SCN11A: variants seen among roughly 807,000 people sequenced by gnomAD.
The protein encoded by SCN11A is sodium voltage-gated channel alpha subunit 11.
A neutral mutation model predicts 162.2 loss-of-function variants in SCN11A; 122 were observed. The ratio of observed to expected loss-of-function variants is 0.75; its 90% CI spans 0.65 to 0.87. SCN11A has a LOEUF of 0.87. Ranked by LOEUF, SCN11A falls within the 40% of genes least tolerant of loss-of-function variation. The probability of loss-of-function intolerance (pLI) is 0.00; values close to 1 mark genes in which losing one functional copy is unlikely to be tolerated. For synonymous variants in SCN11A, 758 were observed against 751.5 expected (o/e 1.01, Z -0.14); for missense variants, 2,015 against 2,181.6 (o/e 0.92, Z 1.52).
At chr3:39,000,064 T>C (rs1483818274) in intron 2 of SCN11A, among the ~76,000 whole-genome samples, 2 of 152,216 alleles carry the variant, frequency 1.3e-5, no homozygotes, top group Admixed American at 1.3e-4. Context: ...GGTCAACACC[T>C]GAAGCTAGAA....
chr3:38,922,072 C>T (rs542270413), intron 9 of SCN11A, among the ~76,000 whole-genome samples: 17 of 152,310 alleles, frequency 1.1e-4, no homozygotes, highest in Middle Eastern at 3.4e-3. Context: ...GGAAAAAGAA[C>T]AAGTCAACTT....
chr3:38,847,517 C>T lies in SCN11A; in HGVS notation c.4553G>A (p.Trp1518Ter). ...MFIYAILGMNWFSKVNPESGI... is the reference protein window; with the variant it reads ...MFIYAILGMN ...AGACTCTGGATTCACTTTGGAAAACCAGTTCATACCCAGAATGGCATAGAT... is the reference window on the plus strand; with the variant it reads ...AGACTCTGGATTCACTTTGGAAAACTAGTTCATACCCAGAATGGCATAGAT... Residue 1518 changes from tryptophan (W) to a stop codon, truncating the protein, a stop_gained, in exon 30 of 30, where the codon TGG becomes TAG. Transcript: ENST00000302328. LOFTEE classifies it low-confidence loss of function (END_TRUNC). The T allele has an allele frequency of 6.2e-7, 1 of 1,614,108 alleles. No individual in the cohort carries two copies. The highest frequency in any genetic ancestry group is 8.5e-7 in the Non-Finnish European group (1 of 1,180,000).
intron 2 of SCN11A, among the ~76,000 whole-genome samples, chr3:38,966,227 G>T (rs560018379): frequency 1.3e-5 from 2 of 152,266 alleles, no homozygotes; most frequent in East Asian, 3.9e-4. Flanking sequence ...GTTGCAGGTC[G>T]TCAGTCCTCC....
chr3:38,955,726 T>C (rs2066672599), intron 3 of SCN11A, among the ~76,000 whole-genome samples: 1 of 152,204 alleles, frequency 6.6e-6, no homozygotes, highest in African/African-American at 2.4e-5. Flanking sequence ...AATTTGAAGA[T>C]AAAATTTTCA....
intron 3 of SCN11A, among the ~76,000 whole-genome samples, chr3:38,959,976 C>A (rs1446429956): frequency 6.6e-6 from 1 of 152,134 alleles, no homozygotes; most frequent in Non-Finnish European, 1.5e-5. Flanking sequence ...TTTGAGATGA[C>A]CTTTTCTAGC....
chr3:38,849,757 T>C (rs2064743638), intron 29 of SCN11A: 1 of 152,252 alleles, frequency 6.6e-6, no homozygotes, highest in African/African-American at 2.4e-5. Flanking sequence ...AGAAGGAGTA[T>C]GGTAATAACC....
At chr3:38,857,660 A>T (rs552025749) in intron 28 of SCN11A, among the ~76,000 whole-genome samples, 47 of 152,282 alleles carry the variant, frequency 3.1e-4, no homozygotes, top group African/African-American at 1.1e-3. Flanking sequence ...TGGGAAGTTC[A>T]TCACAAAAAG....
At chr3:38,927,032 A>T in intron 7 of SCN11A, 101 bp from the exon 8 acceptor site, 1 of 1,157,804 alleles carries the variant, frequency 8.6e-7, no homozygotes, top group Non-Finnish European at 1.2e-6. Context: ...TTCCATTTCA[A>T]TGTGACATTT....
chr3:39,047,176 C>T (rs181518435), intron 1 of SCN11A, among the ~76,000 whole-genome samples: 1 of 150,624 alleles, frequency 6.6e-6, no homozygotes, highest in African/African-American at 2.4e-5. Flanking sequence ...CTTAAGCAAT[C>T]CTCATATATC....
At position 38,871,640 on chromosome 3, in the gene SCN11A, GA is replaced by G; in HGVS notation, c.3563del (p.Phe1188SerfsTer28). The G allele has an allele frequency of 1.2e-6, 2 of 1,612,866 alleles. No individual in the cohort carries two copies. The highest frequency in any genetic ancestry group is 1.7e-6 in the Non-Finnish European group (2 of 1,179,174). On this transcript the variant is annotated frameshift_variant, in exon 25 of 30. Coordinates refer to ENST00000302328, the MANE Select transcript of SCN11A (RefSeq NM_001349253.2). LOFTEE classifies it high-confidence loss of function. The stretch of plus-strand genomic sequence containing the variant: ...CTCCCAGAATACAAAATACGAGCCA[GA>G]AAATGAGGCAGACAAGCAAAACATT... ...ILNVLLVCLI[F>X]WLVFCILGVY...
Position 38,909,209 on chromosome 3 carries a change from G to T in SCN11A, c.1102-15C>A. The T allele has an allele frequency of 6.2e-7, 1 of 1,612,574 alleles. No individual in the cohort carries two copies. On this transcript the variant is annotated splice_polypyrimidine_tract_variant and intron_variant, in intron 12 of 29. Transcript: ENST00000302328. ...GTACGCAGGGTCTGCAAAGGACAGAGCATGTTCTTGAATATCAAACCTTCT... is the reference window on the plus strand; with the variant it reads ...GTACGCAGGGTCTGCAAAGGACAGATCATGTTCTTGAATATCAAACCTTCT...
In SCN11A at chr3:38,909,182, TAGTACGC is replaced by T. The variant is rs746378950; in HGVS notation, c.1107_1113del (p.Arg370LeufsTer20). The T allele has an allele frequency of 1.2e-6, 2 of 1,613,954 alleles. No homozygotes were observed. Among genetic ancestry groups the T allele is most frequent in the Non-Finnish European group, 1.7e-6 (2 of 1,179,890 alleles). ...AAGAAGAAGACTGAGTAGAGCCCAG[TAGTACGC>T]AGGGTCTGCAAAGGACAGAGCATGT... On this transcript the variant is annotated frameshift_variant, in exon 13 of 30. Transcript: ENST00000302328. LOFTEE classifies it high-confidence loss of function.
chr3:38,848,254 G>A (rs376053853), intron 29 of SCN11A, among the ~76,000 whole-genome samples: 9 of 152,302 alleles, frequency 5.9e-5, no homozygotes, highest in East Asian at 3.9e-4. Flanking sequence ...CTAAAATGTC[G>A]CCCTGCCTGC....
rs746529454 is a variant in SCN11A at position 38,899,853 on chromosome 3, A to G, written c.2022+41T>C. 4 of 1,545,496 alleles carry G rather than the reference A, an allele frequency of 2.6e-6. No homozygotes were observed. The Admixed American group carries it at 7.2e-5, about 28-fold the overall frequency. ...CTCACTCAAAACGTTTTTTCCACTT[A>G]GGCAGCTACGTTTATGCAGTAAAAT... On this transcript the variant is annotated intron_variant, in intron 17 of 29. Coordinates refer to ENST00000302328, the MANE Select transcript of SCN11A (RefSeq NM_001349253.2).
chr3:38,886,561 T>G (rs1205342006), intron 19 of SCN11A, among the ~76,000 whole-genome samples: 1 of 152,154 alleles, frequency 6.6e-6, no homozygotes, highest in Non-Finnish European at 1.5e-5. Context: ...TTAATATATT[T>G]TAAATGTGCT....
chr3:38,982,118 C>T (rs1262079671), intron 2 of SCN11A, among the ~76,000 whole-genome samples: 2 of 152,112 alleles, frequency 1.3e-5, no homozygotes, highest in Non-Finnish European at 2.9e-5. Flanking sequence ...TCCAGTGAGC[C>T]GAATGAAGCT....
intron 2 of SCN11A, among the ~76,000 whole-genome samples, chr3:39,030,262 T>C (rs2031712622): frequency 6.6e-6 from 1 of 152,198 alleles, no homozygotes; most frequent in Non-Finnish European, 1.5e-5. Context: ...TAACCACTGC[T>C]GAAAACATCT....
chr3:39,025,994 C>T (rs1296141362), intron 2 of SCN11A: 6 of 152,120 alleles, frequency 3.9e-5, no homozygotes, highest in Non-Finnish European at 8.8e-5. Flanking sequence ...AGAGTACTTG[C>T]TTCAGCAGCA....
At chr3:38,916,003 C>T (rs1435198875) in intron 11 of SCN11A, among the ~76,000 whole-genome samples, 1 of 152,094 alleles carries the variant, frequency 6.6e-6, no homozygotes, top group Non-Finnish European at 1.5e-5. Context: ...GGCGCATATA[C>T]CTTTAGATTA....
Sources: gnomAD v4.1 joint callset for allele counts (sites outside exome capture counted in the v4.1 genomes callset) on GRCh38, gnomAD v4.1.1 for gene constraint, MANE v1.5 for transcripts, NCBI Gene and HGNC (gene_info 2026-07-23, HGNC 2026-07-21) for gene names.